The following DMD variants were observed in gnomAD, a reference collection of about 807,000 sequenced individuals.
DMD encodes mutant dystrophin.
A neutral mutation model predicts 330.1 loss-of-function variants in DMD; 63 were observed. The observed-to-expected ratio is 0.19, with a 90% CI of 0.16 to 0.24. The LOEUF is 0.24. DMD is among the 10% of genes least tolerant of loss of function. The pLI is 1.00. For missense variants in DMD, 3,344 were observed against 2,684.1 expected (o/e 1.25, Z -5.43); for synonymous variants, 1,223 against 959.8 (o/e 1.27, Z -5.07).
intron 30 of DMD, among the ~76,000 whole-genome samples, chrX:32,396,431 T>G (rs1375444668): frequency 9.0e-6 from 1 of 111,379 alleles, no homozygotes; most frequent in East Asian, 2.8e-4. Context: ...CCAATATGAT[T>G]AGAGATAAAA....
chrX:31,592,898 A>T (rs868483994), intron 55 of DMD, among the ~76,000 whole-genome samples: 1 of 111,110 alleles, frequency 9.0e-6, no homozygotes, highest in African/African-American at 3.3e-5. Context: ...TACAATGCCA[A>T]ATACATGATC....
chrX:32,999,799 CA>C (rs112206827), intron 2 of DMD, among the ~76,000 whole-genome samples: 55 of 70,804 alleles, frequency 7.8e-4, no homozygotes, highest in African/African-American at 3.2e-3. Context: ...AAAACAAAAA[CA>C]AAAAACAAAA....
At chrX:32,620,994 G>A (rs780416921) in intron 11 of DMD, among the ~76,000 whole-genome samples, 3 of 111,153 alleles carry the variant, frequency 2.7e-5, no homozygotes, top group Admixed American at 9.6e-5. Context: ...GGAGAGGCAA[G>A]GAAGACCAAC....
At chrX:31,892,096 G>A (rs1295626103) in intron 47 of DMD, among the ~76,000 whole-genome samples, 4 of 111,559 alleles carry the variant, frequency 3.6e-5, no homozygotes, top group African/African-American at 6.5e-5. Flanking sequence ...GCTTGCAATC[G>A]CAGTTAGCTG....
At chrX:32,980,805 G>A (rs2092689453) in intron 2 of DMD, among the ~76,000 whole-genome samples, 1 of 111,819 alleles carries the variant, frequency 8.9e-6, no homozygotes, top group Admixed American at 9.5e-5. Context: ...GGAGTCAGAC[G>A]AATAGAGATG....
chrX:32,921,420 C>A (rs2146572294), intron 2 of DMD, among the ~76,000 whole-genome samples: 1 of 112,073 alleles, frequency 8.9e-6, no homozygotes, highest in Non-Finnish European at 1.9e-5. Context: ...GACATAGTTT[C>A]ATAGTTTTTC....
At position 32,468,398 on chromosome X, in the gene DMD, C is replaced by A. The variant is rs754211051; in HGVS notation, c.3162+100G>T. On this transcript the variant is annotated intron_variant, in intron 23 of 78. Coordinates refer to ENST00000357033, the MANE Select transcript of DMD (RefSeq NM_004006.3). ...ATCTTCTCACTAACTTTGAAAGATG[C>A]TGAAGGTCAAATGCTTATGTACCTT... 2.1e-3 allele frequency: 1,587 copies of A among 747,182 alleles called. 3 individuals are homozygous for A. Among genetic ancestry groups the A allele is most frequent in the Non-Finnish European group, 2.7e-3 (1,376 of 500,888 alleles). The allele number at this position is 747,182 out of a possible 1,213,427, so 61.6% of individuals were successfully genotyped here.
chrX:32,821,992 T>C (rs972599136), intron 5 of DMD, among the ~76,000 whole-genome samples: 1 of 111,507 alleles, frequency 9.0e-6, no homozygotes, highest in Non-Finnish European at 1.9e-5. Flanking sequence ...CTAAACCAGA[T>C]TGATGCAAAT....
intron 44 of DMD, among the ~76,000 whole-genome samples, chrX:32,117,452 A>G (rs1437500969): frequency 8.9e-6 from 1 of 112,216 alleles, no homozygotes; most frequent in Non-Finnish European, 1.9e-5. Flanking sequence ...TTAGAAGGAC[A>G]AGCCTCCCTA....
intron 1 of DMD, among the ~76,000 whole-genome samples, chrX:33,081,007 CAA>C (rs374907182): frequency 5.1e-5 from 5 of 98,054 alleles, no homozygotes; most frequent in African/African-American, 2.0e-4. Flanking sequence ...CACACACACA[CAA>C]AAACACATGT....
At chrX:31,230,544 G>A (rs920988692) in intron 63 of DMD, among the ~76,000 whole-genome samples, 10 of 110,415 alleles carry the variant, frequency 9.1e-5, no homozygotes, top group Non-Finnish European at 1.5e-4. Flanking sequence ...AGCTACTCAG[G>A]AGGCTGAAGC....
rs183679790 is a variant in DMD at position 32,974,160 on chromosome X, A to T, written c.93+45979T>A. On this transcript the variant is annotated intron_variant, in intron 2 of 78. Transcript: ENST00000357033. Reference sequence around the variant, plus strand: ...TCTACAATATGAATGGACCTTAAAAACATTATGCAAAATGAAAGATTACAG... The same window carrying T: ...TCTACAATATGAATGGACCTTAAAATCATTATGCAAAATGAAAGATTACAG... 3.3e-3 allele frequency among the ~76,000 whole-genome samples: 373 copies of T among 111,879 alleles called. 1 individual carries two copies. Among genetic ancestry groups the T allele is most frequent in the African/African-American group, 0.012 (362 of 30,853 alleles).
intron 44 of DMD, among the ~76,000 whole-genome samples, chrX:32,086,408 C>T (rs751313533): frequency 1.2e-4 from 13 of 111,990 alleles, no homozygotes; most frequent in Non-Finnish European, 2.1e-4. Flanking sequence ...AGGTGTTTCA[C>T]GCATATTATC....
chrX:33,067,748 G>A (rs1246241847), intron 1 of DMD, among the ~76,000 whole-genome samples: 1 of 111,443 alleles, frequency 9.0e-6, no homozygotes, highest in Non-Finnish European at 1.9e-5. Flanking sequence ...GGGAAGCTGA[G>A]GCAAGAGAAT....
At chrX:32,454,486 A>T in intron 26 of DMD, among the ~76,000 whole-genome samples, 176 bp downstream of exon 26, 1 of 110,997 alleles carries the variant, frequency 9.0e-6, no homozygotes, top group Non-Finnish European at 1.9e-5. Context: ...AAACAGTTTA[A>T]GGTTGTTAAA....
intron 44 of DMD, among the ~76,000 whole-genome samples, chrX:32,131,579 T>C (rs2096694840): frequency 8.9e-6 from 1 of 112,125 alleles, no homozygotes; most frequent in Admixed American, 9.5e-5. Flanking sequence ...CCTAACATTC[T>C]TGTCGCATTG....
At chrX:32,404,472 C>G (rs1603632691) in intron 30 of DMD, among the ~76,000 whole-genome samples, 1 of 111,247 alleles carries the variant, frequency 9.0e-6, no homozygotes, top group East Asian at 2.8e-4. Flanking sequence ...AAAATGAGAT[C>G]AGAATTCTTT....
At chrX:31,257,211 G>T in intron 63 of DMD, among the ~76,000 whole-genome samples, 1 of 77,417 alleles carries the variant, frequency 1.3e-5, no homozygotes. Flanking sequence ...CTCTAGGAAT[G>T]TGTAACCTAC....
chrX:31,355,563 A>C (rs2058626757), intron 60 of DMD, among the ~76,000 whole-genome samples: 1 of 112,029 alleles, frequency 8.9e-6, no homozygotes, highest in South Asian at 3.7e-4. Flanking sequence ...TGATGCTAGT[A>C]AATAAACCAC....
Sources: allele counts gnomAD v4.1 joint callset (sites outside exome capture counted in the v4.1 genomes callset), GRCh38; gene constraint gnomAD v4.1.1; transcripts MANE v1.5; gene names NCBI Gene and HGNC (gene_info 2026-07-23, HGNC 2026-07-21).